Variants in CLVS1 observed in about 807,000 individuals in gnomAD.
The protein encoded by CLVS1 is clavesin-1.
In CLVS1, 10 loss-of-function variants were observed where a neutral mutation model predicts 33.1. That is an observed-to-expected ratio of 0.30 (90% CI 0.19 to 0.51). The LOEUF (loss-of-function observed/expected upper bound fraction) is 0.51, where lower values mean the gene tolerates loss of function less well. CLVS1 is among the 20% of genes least tolerant of loss of function. The pLI, the probability that CLVS1 is intolerant of heterozygous loss-of-function variation, is 0.97. For synonymous variants in CLVS1, 163 were observed against 166.1 expected, an observed-to-expected ratio of 0.98 and a Z score of 0.14; for missense variants, 343 against 433.4, an observed-to-expected ratio of 0.79 and a Z score of 1.85.
the CLVS1 span, among the ~76,000 whole-genome samples, chr8:61,009,914 A>G: frequency 6.6e-6 from 1 of 152,362 alleles, no homozygotes; most frequent in South Asian, 2.1e-4. Context: ...TTGACCATGT[A>G]CCATACAACA....
At chr8:60,968,514 CA>C in the CLVS1 span, among the ~76,000 whole-genome samples, 72,567 of 128,070 alleles carry the variant, frequency 0.57, 18,388 homozygotes, top group South Asian at 0.71. Flanking sequence ...GACTCCGTTT[CA>C]AAAAAAAAAA....
At chr8:61,210,901 AAG>A (rs1207755621) in intron 2 of CLVS1, among the ~76,000 whole-genome samples, 2 of 152,178 alleles carry the variant, frequency 1.3e-5, no homozygotes, top group East Asian at 3.8e-4. Context: ...GTGTCAAAGA[AAG>A]AGCCTGGAGG....
At chr8:61,039,922 G>A in the CLVS1 span, among the ~76,000 whole-genome samples, 41 of 152,264 alleles carry the variant, frequency 2.7e-4, no homozygotes, top group East Asian at 7.7e-3. Flanking sequence ...GAGGTTTCGG[G>A]TACAAATGAT....
At chr8:61,429,419 T>TAAA (rs57688988) in intron 3 of CLVS1, among the ~76,000 whole-genome samples, 8 of 73,222 alleles carry the variant, frequency 1.1e-4, no homozygotes, top group Non-Finnish European at 1.2e-4. Flanking sequence ...GACTCTGTCT[T>TAAA]AAAAAAAAAA....
chr8:61,179,010 T>C lies in CLVS1; in HGVS notation c.-152+47150T>C, dbSNP rs549823849. Among the ~76,000 whole-genome samples the C allele has an allele frequency of 4.9e-4, 74 of 152,266 alleles. 1 individual carries two copies. The highest frequency in any genetic ancestry group is 1.8e-3 in the African/African-American group (73 of 41,552). On this transcript the variant is annotated intron_variant, in intron 2 of 2. Transcript: ENST00000522621. ...CACACAAAAGAATACTAACCTTAAA[T>C]GTAAATAGGCTAAATGCTCCAATTA...
chr8:61,286,399 C>A (rs1316561744), upstream of CLVS1, among the ~76,000 whole-genome samples: 1 of 152,172 alleles, frequency 6.6e-6, no homozygotes, highest in African/African-American at 2.4e-5. Flanking sequence ...AACTTACCAC[C>A]CATATATCAC....
intron 2 of CLVS1, among the ~76,000 whole-genome samples, chr8:61,163,921 C>T (rs1263244438): frequency 1.3e-5 from 2 of 152,146 alleles, no homozygotes; most frequent in East Asian, 1.9e-4. Context: ...GGAACAAACA[C>T]GGACCAGAAG....
intron 2 of CLVS1, among the ~76,000 whole-genome samples, chr8:61,196,218 G>C (rs1458967384): frequency 6.6e-6 from 1 of 152,102 alleles, no homozygotes; most frequent in Non-Finnish European, 1.5e-5. Flanking sequence ...TCTCACCATA[G>C]AATTTCTCTT....
chr8:61,143,771 T>A (rs951625459), intron 2 of CLVS1, among the ~76,000 whole-genome samples: 3 of 125,138 alleles, frequency 2.4e-5, no homozygotes, highest in African/African-American at 9.4e-5. Flanking sequence ...ATATTATATA[T>A]AATATGTACA....
intron 5 of CLVS1, among the ~76,000 whole-genome samples, chr8:61,485,271 A>C (rs1031907108): frequency 4.6e-5 from 7 of 152,260 alleles, no homozygotes; most frequent in African/African-American, 1.7e-4. Context: ...AACCCCATCA[A>C]AAAGTGGACA....
At chr8:61,095,092 C>G (rs937893115) in intron 1 of CLVS1, among the ~76,000 whole-genome samples, 3 of 152,182 alleles carry the variant, frequency 2.0e-5, no homozygotes, top group African/African-American at 7.2e-5. Context: ...CTGATTAAGT[C>G]TCTATCTCCT....
intron 2 of CLVS1, among the ~76,000 whole-genome samples, chr8:61,244,043 A>G (rs1375896944): frequency 6.6e-6 from 1 of 152,218 alleles, no homozygotes; most frequent in East Asian, 1.9e-4. Context: ...TCATTCATAG[A>G]ACGCACAGAG....
At chr8:60,998,154 G>A in the CLVS1 span, among the ~76,000 whole-genome samples, 1 of 152,326 alleles carries the variant, frequency 6.6e-6, no homozygotes. Context: ...AAGGAGAAAA[G>A]TGCCTCGTCC....
At chr8:61,394,251 T>C (rs964810935) in intron 3 of CLVS1, among the ~76,000 whole-genome samples, 6 of 152,312 alleles carry the variant, frequency 3.9e-5, no homozygotes, top group Admixed American at 6.5e-5. Flanking sequence ...TGTTCTGTTA[T>C]CAGTTGCTTG....
chr8:61,309,318 C>T (rs1202295607), intron 2 of CLVS1, among the ~76,000 whole-genome samples: 1 of 152,190 alleles, frequency 6.6e-6, no homozygotes, highest in Non-Finnish European at 1.5e-5. Context: ...CCTTCATGCA[C>T]TCTGTAATAC....
At chr8:60,991,815 G>A in the CLVS1 span, among the ~76,000 whole-genome samples, 1 of 147,476 alleles carries the variant, frequency 6.8e-6, no homozygotes, top group African/African-American at 2.5e-5. Flanking sequence ...GGCATGATCT[G>A]GGCTCACTGT....
At chr8:61,054,396 T>C (rs1804439908), upstream of CLVS1, among the ~76,000 whole-genome samples, 1 of 152,052 alleles carries the variant, frequency 6.6e-6, no homozygotes, top group African/African-American at 2.4e-5. Flanking sequence ...CCCAGGACCT[T>C]ATGACAGCCA....
Position 61,500,978 on chromosome 8 carries a change from T to A in CLVS1, c.*1436T>A, listed in dbSNP as rs1371675830. 1 of 152,144 alleles carries A rather than the reference T, an allele frequency of 6.6e-6. No homozygotes were observed. The highest frequency in any genetic ancestry group is 1.9e-4 in the East Asian group (1 of 5,198). 9.4% of individuals were successfully genotyped at this position (152,144 alleles called of 1,614,324 possible). ...TCTCAATGGATCTAATGTTTTAATT[T>A]TTTCCCCTATTGGTAGAGAACAATA... On this transcript the variant is annotated 3_prime_UTR_variant, in exon 6 of 6. Transcript: ENST00000325897.
At chr8:61,485,361 C>A in intron 5 of CLVS1, among the ~76,000 whole-genome samples, 1 of 152,142 alleles carries the variant, frequency 6.6e-6, no homozygotes, top group Admixed American at 6.6e-5. Flanking sequence ...TCATCACTGG[C>A]CATCAGAGAA....
Sources: allele counts gnomAD v4.1 joint callset (sites outside exome capture counted in the v4.1 genomes callset), GRCh38; gene constraint gnomAD v4.1.1; transcripts MANE v1.5; gene names NCBI Gene and HGNC (gene_info 2026-07-23, HGNC 2026-07-21).